Variants in ADGB observed in about 807,000 individuals in gnomAD.
ADGB encodes androglobin, also known as calpain-7-like protein.
ADGB carries 172 observed loss-of-function variants against 210.5 expected under a neutral mutation model. The observed-to-expected ratio is 0.82, with a 90% CI of 0.72 to 0.93. The LOEUF is 0.93. ADGB is among the 40% of genes least tolerant of loss of function. The pLI, the probability that ADGB is intolerant of heterozygous loss-of-function variation, is 0.00. For synonymous variants in ADGB, 658 were observed against 662.7 expected, an observed-to-expected ratio of 0.99 and a Z score of 0.11; for missense variants, 2,025 against 1,964.8, an observed-to-expected ratio of 1.03 and a Z score of -0.58.
intron 33 of ADGB, among the ~76,000 whole-genome samples, chr6:146,799,425 T>C (rs141869397): frequency 0.013 from 1,927 of 151,592 alleles, 19 homozygotes; most frequent in Non-Finnish European, 0.018. Flanking sequence ...TCCCAGCTAC[T>C]TGGGAGGCTG....
intron 1 of ADGB, 82 bp from the exon 2 acceptor site, chr6:146,635,293 A>T: frequency 8.0e-7 from 1 of 1,247,914 alleles, no homozygotes; most frequent in Non-Finnish European, 1.0e-6. Flanking sequence ...GAGAAGACAA[A>T]TTTATGTTAT....
Position 146,656,877 on chromosome 6 carries a change from C to A in ADGB, c.509C>A (p.Pro170His). The A allele has an allele frequency of 6.4e-7, 1 of 1,551,446 alleles. No individual in the cohort carries two copies. Among genetic ancestry groups the A allele is most frequent in the Non-Finnish European group, 8.7e-7 (1 of 1,146,748 alleles). ...ACTTCAGGGGAACCTCCTCTTCTCC[C>A]CTGGAAGCCCTGGGAACACATATAC... Reference protein sequence around the residue: ...KGTSGEPPLLPWKPWEHIYSL... With the variant: ...KGTSGEPPLLHWKPWEHIYSL... Residue 170 changes from proline (P) to histidine (H), a missense_variant, in exon 5 of 36, where the codon CCC (proline) becomes CAC (histidine). Physicochemically the swap from Pro to His is moderately conservative, Grantham distance 77 (BLOSUM62 -2). Transcript: ENST00000397944.
chr6:146,806,606 T>C (rs1778215902), intron 35 of ADGB, among the ~76,000 whole-genome samples: 1 of 152,226 alleles, frequency 6.6e-6, no homozygotes, highest in Non-Finnish European at 1.5e-5. Context: ...GGAAAATGTC[T>C]TGATAAATTC....
chr6:146,763,996 A>G lies in ADGB; in HGVS notation c.3646A>G (p.Lys1216Glu), dbSNP rs1348083243. ...KAAQGIQKSP[K>E]GRAVSAIQDI... ...TGCTCAGGGAATTCAGAAATCCCCC[A>G]AGGGTAGAGCTGTAAGTGCAATACA... Residue 1216 changes from lysine (K) to glutamate (E), a missense_variant, in exon 28 of 36, where the codon AAG becomes GAG. Transcript: ENST00000397944. 2 of 1,551,396 alleles carry G rather than the reference A, an allele frequency of 1.3e-6. No homozygotes were observed. Among genetic ancestry groups the G allele is most frequent in the South Asian group, 1.2e-5 (1 of 84,050 alleles).
At chr6:146,646,227 A>G (rs1044665422) in intron 3 of ADGB, among the ~76,000 whole-genome samples, 4 of 152,086 alleles carry the variant, frequency 2.6e-5, no homozygotes, top group African/African-American at 9.7e-5. Flanking sequence ...AAGATATGCC[A>G]GAGGCAGTAT....
At chr6:146,783,268 A>C (rs1318243990) in intron 30 of ADGB, among the ~76,000 whole-genome samples, 1 of 152,164 alleles carries the variant, frequency 6.6e-6, no homozygotes, top group African/African-American at 2.4e-5. Context: ...TGTCAGTACC[A>C]TTAAGAAAAT....
intron 35 of ADGB, among the ~76,000 whole-genome samples, chr6:146,811,442 T>TAC (rs1778301217): frequency 4.1e-5 from 1 of 24,100 alleles, no homozygotes; most frequent in African/African-American, 2.7e-4. Flanking sequence ...TTTGTGTGTT[T>TAC]ATATATATAT....
chr6:146,644,785 G>A lies in ADGB; in HGVS notation c.250G>A (p.Asp84Asn). ...GKSPVFHFFE[D>N]PEGKIELPPS... ...TATTTTTATATAGCATTTTTTTGAG[G>A]ACCCTGAAGGAAAGATTGAGTTACC... The change falls in exon 3 of 36, where the codon GAC becomes AAC. Residue 84 changes from aspartate to asparagine, a missense_variant. By Grantham distance (23) the Asp-to-Asn change is conservative (BLOSUM62 1). Transcript: ENST00000397944. 6.9e-7 allele frequency: 1 copy of A among 1,455,024 alleles called. No homozygotes were observed. Among genetic ancestry groups the A allele is most frequent in the Non-Finnish European group, 9.1e-7 (1 of 1,101,334 alleles). 90.1% of individuals were successfully genotyped at this position (1,455,024 alleles called of 1,614,324 possible).
chr6:146,653,933 A>G (rs1775739430), intron 3 of ADGB, among the ~76,000 whole-genome samples: 1 of 152,106 alleles, frequency 6.6e-6, no homozygotes, highest in Admixed American at 6.5e-5. Context: ...AGCACCAACC[A>G]ATTTATGCCT....
intron 1 of ADGB, among the ~76,000 whole-genome samples, chr6:146,609,754 A>G (rs531163076): frequency 6.3e-4 from 96 of 152,236 alleles, no homozygotes; most frequent in African/African-American, 2.3e-3. Flanking sequence ...CTTTACTTTA[A>G]GGATCTTGAA....
At chr6:146,680,043 A>G (rs1296381706) in intron 9 of ADGB, among the ~76,000 whole-genome samples, 1 of 152,206 alleles carries the variant, frequency 6.6e-6, no homozygotes, top group Non-Finnish European at 1.5e-5. Context: ...TCAGTGGAAT[A>G]GTAAGTTGGA....
chr6:146,792,762 G>A (rs376763865), intron 33 of ADGB, among the ~76,000 whole-genome samples: 4 of 152,086 alleles, frequency 2.6e-5, no homozygotes, highest in South Asian at 2.1e-4. Context: ...AGGAAAGGAG[G>A]ACCTAGACCA....
At chr6:146,660,267 A>C (rs958881207) in intron 5 of ADGB, among the ~76,000 whole-genome samples, 1 of 152,110 alleles carries the variant, frequency 6.6e-6, no homozygotes, top group Non-Finnish European at 1.5e-5. Flanking sequence ...TGACAAAATT[A>C]TTTTTCTATC....
intron 34 of ADGB, 125 bp from the exon 35 acceptor site, chr6:146,801,703 T>A: frequency 1.3e-6 from 1 of 744,188 alleles, no homozygotes. Context: ...TTTCTATCCC[T>A]AATGTTTTAT....
chr6:146,693,585 G>T (rs1273295772), intron 12 of ADGB, among the ~76,000 whole-genome samples: 1 of 152,186 alleles, frequency 6.6e-6, no homozygotes. Flanking sequence ...GAAGTAGGGT[G>T]CAGCTGTAAC....
chr6:146,607,360 C>T (rs1272875092), intron 1 of ADGB, among the ~76,000 whole-genome samples: 1 of 152,158 alleles, frequency 6.6e-6, no homozygotes, highest in African/African-American at 2.4e-5. Flanking sequence ...TTGACTTCCT[C>T]TATTCCTATT....
intron 19 of ADGB, 92 bp from the exon 20 acceptor site, chr6:146,728,482 C>A: frequency 8.1e-7 from 1 of 1,232,694 alleles, no homozygotes; most frequent in Non-Finnish European, 1.1e-6. Flanking sequence ...AATCATATAG[C>A]AGAGATTTCA....
At chr6:146,682,319 T>G (rs933652906) in intron 9 of ADGB, among the ~76,000 whole-genome samples, 2 of 152,128 alleles carry the variant, frequency 1.3e-5, no homozygotes, top group Admixed American at 6.6e-5. Flanking sequence ...CTGTATCACA[T>G]GTAAAATAAA....
At chr6:146,779,190 T>G (rs1777763081) in intron 29 of ADGB, among the ~76,000 whole-genome samples, 1 of 152,200 alleles carries the variant, frequency 6.6e-6, no homozygotes, top group Admixed American at 6.5e-5. Context: ...TGTTTGATGA[T>G]TTCCTGGAAG....
Sources: gnomAD v4.1 joint callset for allele counts (sites outside exome capture counted in the v4.1 genomes callset) on GRCh38, gnomAD v4.1.1 for gene constraint, MANE v1.5 for transcripts, NCBI Gene and HGNC (gene_info 2026-07-23, HGNC 2026-07-21) for gene names.